ANKS3: variants seen among roughly 807,000 people sequenced by gnomAD.
ANKS3 encodes ankyrin repeat and sterile alpha motif domain containing 3.
A neutral mutation model predicts 80.7 loss-of-function variants in ANKS3; 62 were observed. That is an observed-to-expected ratio of 0.77 (90% CI 0.63 to 0.95). ANKS3 has a LOEUF of 0.95. Ranked by LOEUF, ANKS3 falls within the 40% of genes least tolerant of loss-of-function variation. The probability of loss-of-function intolerance (pLI) is 0.00; values close to 1 mark genes in which losing one functional copy is unlikely to be tolerated. For missense variants in ANKS3, 1,150 were observed against 883.6 expected (o/e 1.30, Z -3.82); for synonymous variants, 489 against 355.3 (o/e 1.38, Z -4.23).
chr16:4,732,616 T>C (rs956001206), intron 1 of ANKS3, among the ~76,000 whole-genome samples: 9 of 146,034 alleles, frequency 6.2e-5, no homozygotes, highest in Middle Eastern at 3.7e-3. Context: ...TGGGAGGCGA[T>C]TGCAGTGAGC....
chr16:4,697,045 T>TCCCGCCA lies in ANKS3; in HGVS notation c.1953_1954insTGGCGGG (p.Lys652TrpfsTer29). 6.2e-7 allele frequency: 1 copy of TCCCGCCA among 1,613,830 alleles called. No homozygotes were observed. The highest frequency in any genetic ancestry group is 8.5e-7 in the Non-Finnish European group (1 of 1,179,970). ...CCCGCAGGCTAGGTCTCCCGCCACTTCTTCCCGTTCAGCACCTGCAGCTTC... is the reference window on the plus strand; with the variant it reads ...CCCGCAGGCTAGGTCTCCCGCCACTTCCCGCCACTTCCCGTTCAGCACCTGCAGCTTC... On this transcript the variant is annotated frameshift_variant, in exon 17 of 18. Transcript: ENST00000304283. LOFTEE classifies it high-confidence loss of function.
In ANKS3 at chr16:4,698,485, G is replaced by T; in HGVS notation, c.1666C>A (p.Arg556=). 6.4e-7 allele frequency: 1 copy of T among 1,550,638 alleles called. No homozygotes were observed. The highest frequency in any genetic ancestry group is 8.7e-7 in the Non-Finnish European group (1 of 1,155,444). ...GCCAGGGCCCACGTCTCCCGCAGCC[G>T]GGCCTGGAGGTCCTCGCGGGCGCGG... ...QDRAREDLQA[R]LRETWALARD... Residue 556 remains arginine, a synonymous_variant, in exon 14 of 18, where the codon CGG becomes AGG. Transcript: ENST00000304283.
chr16:4,714,131 T>C lies in ANKS3; in HGVS notation c.629A>G (p.Lys210Arg). 1.2e-6 allele frequency: 2 copies of C among 1,614,162 alleles called. No individual in the cohort carries two copies. The highest frequency in any genetic ancestry group is 8.5e-7 in the Non-Finnish European group (1 of 1,180,038). The change falls in exon 7 of 18, where the codon AAG (lysine) becomes AGG (arginine). Residue 210 changes from lysine to arginine, a missense_variant. Transcript: ENST00000304283. ...HSGATARMLA[K>R]QYGHMKIVAL... ...CACGATCTTCATGTGTCCGTACTGC[T>C]TGGCCAGCATCCGGGCTGTGGCTCC...
In ANKS3 at chr16:4,697,991, G is replaced by A. The variant is rs1429338761; in HGVS notation, c.1796C>T (p.Ala599Val). Residue 599 changes from alanine to valine, a missense_variant, in exon 15 of 18, where the codon GCC (alanine) becomes GTC (valine). By Grantham distance (64) the Ala-to-Val change is moderately conservative. Coordinates refer to ENST00000304283, the MANE Select transcript of ANKS3 (RefSeq NM_133450.4). ...ACTGCTCTTACCAGCTGGGGGGACG[G>A]CTAGGCCCAGAGTGGCTGCACCAGG... Reference protein sequence around the residue: ...QPPGAATLGLAVPPADSKGWQ... With the variant: ...QPPGAATLGLVVPPADSKGWQ... The A allele has an allele frequency of 1.9e-6, 3 of 1,598,232 alleles. No individual in the cohort carries two copies. Among genetic ancestry groups the A allele is most frequent in the South Asian group, 2.3e-5 (2 of 88,054 alleles).
Position 4,727,019 on chromosome 16 carries a change from G to A in ANKS3, c.329C>T (p.Ser110Phe). The A allele has an allele frequency of 6.2e-7, 1 of 1,614,190 alleles. No homozygotes were observed. Among genetic ancestry groups the A allele is most frequent in the Non-Finnish European group, 8.5e-7 (1 of 1,180,054 alleles). The change falls in exon 4 of 18, where the codon TCC (serine) becomes TTC (phenylalanine). Residue 110 changes from serine (S) to phenylalanine (F), a missense_variant. Coordinates refer to ENST00000304283, the MANE Select transcript of ANKS3 (RefSeq NM_133450.4). ...GGCGATGCTCTCGTTGCCACAGCTGGAGGCCAGCATCAGTGGAGTCTGCCC... is the reference window on the plus strand; with the variant it reads ...GGCGATGCTCTCGTTGCCACAGCTGAAGGCCAGCATCAGTGGAGTCTGCCC... ...PEGQTPLMLA[S>F]SCGNESIAYF...
At chr16:4,710,977 C>A (rs961248467) in intron 7 of ANKS3, among the ~76,000 whole-genome samples, 1 of 151,140 alleles carries the variant, frequency 6.6e-6, no homozygotes, top group South Asian at 2.1e-4. Flanking sequence ...TTAGTGGAGA[C>A]GGGGTTTCAC....
intron 6 of ANKS3, among the ~76,000 whole-genome samples, chr16:4,720,682 T>C (rs1007002640): frequency 1.3e-5 from 2 of 151,402 alleles, no homozygotes; most frequent in African/African-American, 2.4e-5. Flanking sequence ...GGCTCATGCC[T>C]GTAATCTCAG....
chr16:4,704,989 G>C, intron 8 of ANKS3, 106 bp downstream of exon 8: 7 of 1,463,266 alleles, frequency 4.8e-6, no homozygotes, highest in Non-Finnish European at 5.5e-6. Context: ...TGCCACCTGA[G>C]GTCCAGCGAC....
chr16:4,728,384 T>C (rs887860840), intron 3 of ANKS3, among the ~76,000 whole-genome samples: 5 of 152,106 alleles, frequency 3.3e-5, no homozygotes, highest in East Asian at 1.9e-4. Flanking sequence ...CTACCTTCCA[T>C]TGCCTGGCAG....
chr16:4,730,779 G>A (rs3901320), intron 2 of ANKS3, among the ~76,000 whole-genome samples: 1 of 152,188 alleles, frequency 6.6e-6, no homozygotes, highest in Admixed American at 6.5e-5. Context: ...TTGAACTGAG[G>A]AGGCGGAGGT....
intron 7 of ANKS3, among the ~76,000 whole-genome samples, chr16:4,712,087 C>G (rs1413078479): frequency 1.3e-5 from 2 of 151,990 alleles, no homozygotes; most frequent in Non-Finnish European, 2.9e-5. Context: ...AAGTATAGAC[C>G]ACGCCGGGAG....
intron 1 of ANKS3, among the ~76,000 whole-genome samples, chr16:4,733,706 G>T (rs2142189074): frequency 6.6e-6 from 1 of 152,308 alleles, no homozygotes; most frequent in Middle Eastern, 3.4e-3. Flanking sequence ...CGAACTGCAT[G>T]CCTGTATCAA....
intron 7 of ANKS3, among the ~76,000 whole-genome samples, chr16:4,707,287 T>C (rs1210689209): frequency 1.3e-5 from 2 of 151,372 alleles, no homozygotes; most frequent in African/African-American, 4.9e-5. Context: ...GACACTTTTT[T>C]TTTTTTTTTT....
intron 6 of ANKS3, among the ~76,000 whole-genome samples, chr16:4,722,406 T>A (rs543356932): frequency 6.6e-6 from 1 of 151,628 alleles, no homozygotes; most frequent in Non-Finnish European, 1.5e-5. Context: ...CGGTGAAACC[T>A]TGTCTCTACT....
In ANKS3 at chr16:4,699,200, G is replaced by T. The variant is rs749098997; in HGVS notation, c.1285-24C>A. Reference sequence around the variant, plus strand: ...TCCTGGCAGGCACAGGGGACAGGTTGGGGGAGGTAGTGGCTGACGACGAAG... The same window carrying T: ...TCCTGGCAGGCACAGGGGACAGGTTTGGGGAGGTAGTGGCTGACGACGAAG... On this transcript the variant is annotated intron_variant, in intron 11 of 17. Transcript: ENST00000304283. 1.8e-5 allele frequency: 29 copies of T among 1,612,726 alleles called. No individual in the cohort carries two copies. The South Asian group carries it at 3.2e-4, about 18-fold the overall frequency.
rs2079573873 is a variant in ANKS3 at position 4,696,763 on chromosome 16, T to C, written c.*145A>G. 1.8e-6 allele frequency: 1 copy of C among 552,714 alleles called. No individual in the cohort carries two copies. Among genetic ancestry groups the C allele is most frequent in the African/African-American group, 1.9e-5 (1 of 52,582 alleles). The allele number at this position is 552,714 out of a possible 1,614,324, so 34.2% of individuals were successfully genotyped here. On this transcript the variant is annotated 3_prime_UTR_variant, in exon 18 of 18. Coordinates refer to ENST00000304283, the MANE Select transcript of ANKS3 (RefSeq NM_133450.4). Reference sequence around the variant, plus strand: ...GGCCGCAGCCCCCGTCTTGCCTCTGTCTGCCGGCTGCTCCCGGGGCCTGAT... The same window carrying C: ...GGCCGCAGCCCCCGTCTTGCCTCTGCCTGCCGGCTGCTCCCGGGGCCTGAT...
In ANKS3 at chr16:4,730,035, G is replaced by C. The variant is rs2142168734; in HGVS notation, c.115C>G (p.Leu39Val). The C allele has an allele frequency of 7.6e-6, 12 of 1,586,438 alleles. No individual in the cohort carries two copies. The East Asian group carries it at 1.4e-4, about 19-fold the overall frequency. Residue 39 changes from leucine to valine, a missense_variant, in exon 3 of 18, where the codon CTT (leucine) becomes GTT (valine). By Grantham distance (32) the Leu-to-Val change is conservative. Coordinates refer to ENST00000304283, the MANE Select transcript of ANKS3 (RefSeq NM_133450.4). The stretch of plus-strand genomic sequence containing the variant: ...TGGCCAATGGAAGCAGCTGTGTGAA[G>C]ATCCAGGGGGACATCCAGCTCCTCC... ...SGEELDVPLD[L>V]HTAASIGQYE...
rs751646479 is a variant in ANKS3 at position 4,714,176 on chromosome 16, A to G, written c.584T>C (p.Val195Ala). 6.2e-7 allele frequency: 1 copy of G among 1,613,886 alleles called. No homozygotes were observed. The highest frequency in any genetic ancestry group is 2.2e-5 in the East Asian group (1 of 44,860). ...VQYFLNHGVK[V>A]DARDHSGATA... ...GGCTCCACTGTGGTCTCTCGCGTCC[A>G]CCTTGACTCCCTGTGAATGTCCGTG... is the stretch of plus-strand genomic sequence containing the variant. The change falls in exon 7 of 18, where the codon GTG (valine) becomes GCG (alanine). Residue 195 changes from valine (V) to alanine (A), a missense_variant. Transcript: ENST00000304283.
intron 8 of ANKS3, among the ~76,000 whole-genome samples, chr16:4,703,234 T>C (rs1596360376): frequency 6.6e-6 from 1 of 152,224 alleles, no homozygotes; most frequent in East Asian, 1.9e-4. Context: ...CACCTCAGCC[T>C]CTCATGTAAC....
Sources: allele counts gnomAD v4.1 joint callset (sites outside exome capture counted in the v4.1 genomes callset), GRCh38; gene constraint gnomAD v4.1.1; transcripts MANE v1.5; gene names NCBI Gene and HGNC (gene_info 2026-07-23, HGNC 2026-07-21).